Variants in NAV3 observed in about 807,000 individuals in gnomAD.
NAV3 encodes neuron navigator 3.
In NAV3, 87 loss-of-function variants were observed where a neutral mutation model predicts 244.7. That is an observed-to-expected ratio of 0.36 (90% CI 0.30 to 0.42). The LOEUF is 0.42. NAV3 is among the 20% of genes least tolerant of loss of function. NAV3 has a pLI of 1.00. For synonymous variants in NAV3, 1,126 were observed against 1,042.2 expected (o/e 1.08, Z -1.55); for missense variants, 2,663 against 2,893.3 (o/e 0.92, Z 1.83).
At chr12:77,842,065 A>C (rs1016162555) in intron 1 of NAV3, among the ~76,000 whole-genome samples, 1 of 152,234 alleles carries the variant, frequency 6.6e-6, no homozygotes, top group African/African-American at 2.4e-5. Context: ...AAGATTAAGC[A>C]AAAATTCACC....
intron 2 of NAV3, among the ~76,000 whole-genome samples, chr12:77,673,407 A>T (rs893568629): frequency 1.3e-5 from 2 of 152,166 alleles, no homozygotes; most frequent in Non-Finnish European, 2.9e-5. Flanking sequence ...AAGGAGAAAC[A>T]TTAATAAAAA....
At chr12:78,176,375 T>C in intron 25 of NAV3, 64 bp from the exon 26 acceptor site, 1 of 1,534,488 alleles carries the variant, frequency 6.5e-7, no homozygotes. Context: ...GGTAATATTT[T>C]AAAATACTGA....
Position 77,649,396 on chromosome 12 carries a change from A to G in NAV3, c.72+77130A>G, listed in dbSNP as rs1445680847. ...CCTGTATGGTAATACATCATACACT[A>G]TATTATTTTTTATTCCATTCGTTCC... On this transcript the variant is annotated intron_variant, in intron 2 of 8. Coordinates refer to the NAV3 transcript ENST00000550042. Among the ~76,000 whole-genome samples the G allele has an allele frequency of 3.9e-5, 6 of 152,062 alleles. No homozygotes were observed. In the East Asian group the frequency reaches 7.7e-4, roughly 20 times the overall value.
intron 2 of NAV3, among the ~76,000 whole-genome samples, chr12:77,632,395 C>A (rs1211620588): frequency 6.6e-6 from 1 of 152,060 alleles, no homozygotes. Flanking sequence ...TCAATCATGG[C>A]GGATGGCAAG....
chr12:78,004,735 A>G (rs1487384484), intron 7 of NAV3, among the ~76,000 whole-genome samples: 1 of 152,192 alleles, frequency 6.6e-6, no homozygotes, highest in African/African-American at 2.4e-5. Flanking sequence ...ACAACAACCT[A>G]TGATTTGCCC....
chr12:77,843,420 T>TG lies in NAV3; in HGVS notation c.243+11716_243+11717insG, dbSNP rs1491484847. On this transcript the variant is annotated intron_variant, in intron 1 of 39. Transcript: ENST00000397909. ...ATTTGTGTGTGTGTGTGTGTGTGTG[T>TG]TTGTGTGTGTATCTTATAGGCATTA... Among the ~76,000 whole-genome samples, 1,385 of 151,664 alleles carry TG rather than the reference T, an allele frequency of 9.1e-3. 20 individuals carry two copies. Among genetic ancestry groups the TG allele is most frequent in the African/African-American group, 0.032 (1,312 of 41,378 alleles).
At position 77,832,231 on chromosome 12, in the gene NAV3, C is replaced by T. The variant is rs80135350; in HGVS notation, c.243+527C>T. ...ACATACTATTTTCCTTGATACTGCACATTTATATGGACTTTCCCTTGTAAA... is the reference window on the plus strand; with the variant it reads ...ACATACTATTTTCCTTGATACTGCATATTTATATGGACTTTCCCTTGTAAA... On this transcript the variant is annotated intron_variant, in intron 1 of 39. Coordinates refer to ENST00000397909, the MANE Select transcript of NAV3 (RefSeq NM_001024383.2). 2.0e-5 allele frequency among the ~76,000 whole-genome samples: 3 copies of T among 152,148 alleles called. 1 individual carries two copies. Among genetic ancestry groups the T allele is most frequent in the South Asian group, 4.1e-4 (2 of 4,830 alleles).
chr12:77,793,312 T>A (rs1280513903), intron 2 of NAV3, among the ~76,000 whole-genome samples: 1 of 152,198 alleles, frequency 6.6e-6, no homozygotes, highest in Non-Finnish European at 1.5e-5. Flanking sequence ...TTAATTTTTT[T>A]ATTTTACTTT....
At chr12:77,658,183 C>T (rs1184219454) in intron 2 of NAV3, among the ~76,000 whole-genome samples, 20 of 151,876 alleles carry the variant, frequency 1.3e-4, no homozygotes, top group Admixed American at 3.3e-4. Flanking sequence ...TGTTTGCAGA[C>T]GACATGATTG....
chr12:77,793,560 G>A (rs1354677948), intron 2 of NAV3, among the ~76,000 whole-genome samples: 1 of 152,138 alleles, frequency 6.6e-6, no homozygotes, highest in Non-Finnish European at 1.5e-5. Flanking sequence ...ACTTATGAGT[G>A]AGATCCTGCA....
chr12:77,627,921 C>A (rs537728139), intron 2 of NAV3, among the ~76,000 whole-genome samples: 1 of 152,074 alleles, frequency 6.6e-6, no homozygotes. Context: ...AGAGCAGAAA[C>A]GAAAATATCA....
intron 1 of NAV3, among the ~76,000 whole-genome samples, chr12:77,863,763 T>C (rs911317394): frequency 1.3e-5 from 2 of 151,912 alleles, no homozygotes; most frequent in African/African-American, 4.8e-5. Context: ...CAAAGAGGCT[T>C]GTTTTAAGGC....
At chr12:78,061,270 G>A (rs916920657) in intron 12 of NAV3, among the ~76,000 whole-genome samples, 23 of 152,150 alleles carry the variant, frequency 1.5e-4, no homozygotes, top group Middle Eastern at 3.4e-3. Context: ...TACATGTAAC[G>A]CCTAGCATAA....
intron 2 of NAV3, among the ~76,000 whole-genome samples, chr12:77,626,334 T>C (rs1270828092): frequency 6.6e-6 from 1 of 151,870 alleles, no homozygotes; most frequent in Non-Finnish European, 1.5e-5. Context: ...AGTGACCAAT[T>C]ATATGAATTT....
intron 1 of NAV3, among the ~76,000 whole-genome samples, chr12:77,910,148 G>A (rs1041596454): frequency 2.0e-5 from 3 of 151,968 alleles, no homozygotes; most frequent in Non-Finnish European, 4.4e-5. Context: ...ATTTGAGACC[G>A]GGTAATTTAT....
chr12:78,099,814 G>A (rs965651504), intron 12 of NAV3, among the ~76,000 whole-genome samples: 1 of 151,788 alleles, frequency 6.6e-6, no homozygotes, highest in Non-Finnish European at 1.5e-5. Context: ...AAAAATAGAT[G>A]TTTCTACTCT....
At chr12:77,941,693 A>G (rs578139236) in intron 3 of NAV3, among the ~76,000 whole-genome samples, 1 of 152,196 alleles carries the variant, frequency 6.6e-6, no homozygotes, top group Non-Finnish European at 1.5e-5. Flanking sequence ...TCTTATCTTT[A>G]TCAACCAATA....
At chr12:77,845,993 T>G (rs1226880846) in intron 1 of NAV3, among the ~76,000 whole-genome samples, 1 of 152,170 alleles carries the variant, frequency 6.6e-6, no homozygotes, top group Non-Finnish European at 1.5e-5. Context: ...ACCAAAATAC[T>G]AGCTTTACAA....
chr12:77,620,234 C>G (rs767554462), intron 2 of NAV3, among the ~76,000 whole-genome samples: 2 of 152,118 alleles, frequency 1.3e-5, no homozygotes, highest in Non-Finnish European at 2.9e-5. Flanking sequence ...GTTTCCTGAT[C>G]TTTATAATAG....
Sources: allele counts gnomAD v4.1 joint callset (sites outside exome capture counted in the v4.1 genomes callset), GRCh38; gene constraint gnomAD v4.1.1; transcripts MANE v1.5; gene names NCBI Gene and HGNC (gene_info 2026-07-23, HGNC 2026-07-21).